The following CCDC171 variants were observed in gnomAD, a reference collection of about 807,000 sequenced individuals.
CCDC171 encodes coiled-coil domain-containing protein 171.
In CCDC171, 177 loss-of-function variants were observed where a neutral mutation model predicts 168.2. That is an observed-to-expected ratio of 1.05 (90% CI 0.93 to 1.19). CCDC171 has a LOEUF of 1.19. Among genes scored for constraint, CCDC171 ranks in the 50% most tolerant of loss-of-function variants. The pLI is 0.00. For synonymous variants in CCDC171, 687 were observed against 540.8 expected (o/e 1.27, Z -3.75); for missense variants, 1,991 against 1,539.0 (o/e 1.29, Z -4.91).
chr9:15,598,758 C>T (rs571209901), intron 6 of CCDC171, among the ~76,000 whole-genome samples: 1 of 152,236 alleles, frequency 6.6e-6, no homozygotes, highest in East Asian at 1.9e-4. Context: ...GTGTTAAAGT[C>T]TCCCATTATT....
intron 25 of CCDC171, among the ~76,000 whole-genome samples, chr9:15,938,427 C>G (rs753578247): frequency 9.9e-5 from 15 of 151,276 alleles, no homozygotes; most frequent in Non-Finnish European, 2.1e-4. Flanking sequence ...CAGTTTTCTA[C>G]GAAAAAAAAT....
intron 25 of CCDC171, among the ~76,000 whole-genome samples, chr9:15,958,922 G>A (rs997716991): frequency 3.3e-5 from 5 of 152,088 alleles, no homozygotes; most frequent in Non-Finnish European, 7.4e-5. Flanking sequence ...GATATAGCAG[G>A]GAGCAAGCAG....
At chr9:15,975,274 C>G (rs1831585765), downstream of CCDC171, among the ~76,000 whole-genome samples, 1 of 152,100 alleles carries the variant, frequency 6.6e-6, no homozygotes, top group Non-Finnish European at 1.5e-5. Context: ...CATACATAAC[C>G]TAGGAATTAG....
Position 15,575,156 on chromosome 9 carries a change from AC to A in CCDC171, c.177+3398del, listed in dbSNP as rs1415620401. Among the ~76,000 whole-genome samples, 10 of 126,858 alleles carry A rather than the reference AC, an allele frequency of 7.9e-5. No individual in the cohort carries two copies. In the East Asian group the frequency reaches 2.3e-3, roughly 29 times the overall value. The allele number at this position is 126,858 out of a possible 152,430, so 83.2% of individuals were successfully genotyped here. A position where few individuals can be genotyped will look rare whatever the true frequency, so the allele number is the denominator to read the frequency against. On this transcript the variant is annotated intron_variant, in intron 3 of 25. Transcript: ENST00000380701. The stretch of plus-strand genomic sequence containing the variant: ...GAGGGTAAAGGAGAGTGACATAACT[AC>A]TTTTTTTTTTTTTTTTTTTTTTTTT...
upstream of CCDC171, among the ~76,000 whole-genome samples, chr9:16,038,881 A>AAAAAAAAG (rs1554714920): frequency 1.5e-5 from 2 of 135,090 alleles, no homozygotes; most frequent in Non-Finnish European, 3.2e-5. Flanking sequence ...AAAAAAAAAA[A>AAAAAAAAG]AAAGCTGAAT....
chr9:16,096,522 G>A, the CCDC171 span, among the ~76,000 whole-genome samples: 1 of 152,190 alleles, frequency 6.6e-6, no homozygotes, highest in African/African-American at 2.4e-5. Flanking sequence ...CCTGTACCTT[G>A]CTTTATCCTG....
intron 7 of CCDC171, among the ~76,000 whole-genome samples, chr9:15,652,308 A>C (rs1199220656): frequency 2.0e-5 from 3 of 152,166 alleles, no homozygotes; most frequent in African/African-American, 7.2e-5. Flanking sequence ...TTTTCCATTG[A>C]GTGGTGATGG....
chr9:15,582,309 G>C (rs1164670592), intron 4 of CCDC171, among the ~76,000 whole-genome samples: 1 of 152,216 alleles, frequency 6.6e-6, no homozygotes, highest in Non-Finnish European at 1.5e-5. Context: ...TGGAGAAATA[G>C]GAATGCTTTT....
At chr9:15,676,756 A>T (rs1004146380) in intron 9 of CCDC171, among the ~76,000 whole-genome samples, 3 of 152,116 alleles carry the variant, frequency 2.0e-5, no homozygotes, top group Admixed American at 6.6e-5. Context: ...TTTGATCTTT[A>T]TCCTTTTTCA....
chr9:15,856,866 C>G (rs2061366200), intron 23 of CCDC171, among the ~76,000 whole-genome samples: 1 of 151,968 alleles, frequency 6.6e-6, no homozygotes, highest in South Asian at 2.1e-4. Flanking sequence ...CTTTGCCAAT[C>G]CTTGTCTTTT....
At chr9:15,686,580 C>T (rs1204110999) in intron 10 of CCDC171, among the ~76,000 whole-genome samples, 1 of 151,516 alleles carries the variant, frequency 6.6e-6, no homozygotes, top group African/African-American at 2.4e-5. Context: ...AAAAAATATA[C>T]CATGCACCCA....
the CCDC171 span, among the ~76,000 whole-genome samples, chr9:16,091,530 C>G: frequency 6.6e-6 from 1 of 152,178 alleles, no homozygotes; most frequent in African/African-American, 2.4e-5. Context: ...GTCAACCTGC[C>G]AGTCCCTGGA....
intron 9 of CCDC171, among the ~76,000 whole-genome samples, chr9:15,672,720 T>C (rs1031913625): frequency 6.6e-6 from 1 of 152,246 alleles, no homozygotes; most frequent in Non-Finnish European, 1.5e-5. Context: ...ATATCTGTTT[T>C]GGTACCAGTA....
intron 2 of CCDC171, among the ~76,000 whole-genome samples, chr9:15,567,295 C>T (rs2039827502): frequency 6.6e-6 from 1 of 152,184 alleles, no homozygotes; most frequent in South Asian, 2.1e-4. Context: ...GCTGGGATTA[C>T]AGGCGTACAT....
rs140936125 is a variant in CCDC171, at chr9:15,813,885, T to A, written c.3267+29191T>A. On this transcript the variant is annotated intron_variant, in intron 21 of 25. Coordinates refer to ENST00000380701, the MANE Select transcript of CCDC171 (RefSeq NM_173550.4). ...TAGTTCTGGTGCACACACAATTTTTTAATTTAATTTAGTTGAGTAATAGGA... is the reference window on the plus strand; with the variant it reads ...TAGTTCTGGTGCACACACAATTTTTAAATTTAATTTAGTTGAGTAATAGGA... 7.6e-3 allele frequency among the ~76,000 whole-genome samples: 1,158 copies of A among 152,330 alleles called. 9 individuals are homozygous for A. The highest frequency in any genetic ancestry group is 0.014 in the Middle Eastern group (4 of 294).
intron 11 of CCDC171, among the ~76,000 whole-genome samples, chr9:15,720,062 T>C (rs1385123000): frequency 6.6e-6 from 1 of 152,184 alleles, no homozygotes. Flanking sequence ...ACATTACTTT[T>C]GGTTTTTAAG....
intron 18 of CCDC171, among the ~76,000 whole-genome samples, chr9:15,768,763 ATTATT>A (rs963951305): frequency 6.6e-6 from 1 of 152,156 alleles, no homozygotes; most frequent in Non-Finnish European, 1.5e-5. Flanking sequence ...CCCCTCACTT[ATTATT>A]TTAAGTGGTT....
intron 25 of CCDC171, among the ~76,000 whole-genome samples, chr9:15,949,607 G>T (rs551378153): frequency 2.6e-5 from 4 of 152,282 alleles, no homozygotes; most frequent in African/African-American, 9.6e-5. Flanking sequence ...ATGTCTGTCT[G>T]TCTGTTATTG....
chr9:15,789,737 G>A (rs1317765594), intron 21 of CCDC171, among the ~76,000 whole-genome samples: 1 of 151,174 alleles, frequency 6.6e-6, no homozygotes, highest in Non-Finnish European at 1.5e-5. Flanking sequence ...ATCTCCTAAC[G>A]CTATACCTTC....
Sources: allele counts gnomAD v4.1 joint callset (sites outside exome capture counted in the v4.1 genomes callset), GRCh38; gene constraint gnomAD v4.1.1; transcripts MANE v1.5; gene names NCBI Gene and HGNC (gene_info 2026-07-23, HGNC 2026-07-21).